The following RIMS1 variants were observed in gnomAD, a reference collection of about 807,000 sequenced individuals.
RIMS1 encodes regulating synaptic membrane exocytosis 1.
In RIMS1, 83 loss-of-function variants were observed where a neutral mutation model predicts 214.1. The observed-to-expected ratio is 0.39, with a 90% CI of 0.32 to 0.47. RIMS1 has a LOEUF of 0.47. Ranked by LOEUF, RIMS1 falls within the 20% of genes least tolerant of loss-of-function variation. The pLI is 0.99. For synonymous variants in RIMS1, 793 were observed against 786.8 expected, an observed-to-expected ratio of 1.01 and a Z score of -0.13; for missense variants, 2,050 against 2,161.8, an observed-to-expected ratio of 0.95 and a Z score of 1.03.
rs182095637 is a variant in RIMS1, at chr6:72,099,029, A to G, written c.460-946A>G. On this transcript the variant is annotated intron_variant, in intron 3 of 33. Coordinates refer to ENST00000521978, the MANE Select transcript of RIMS1 (RefSeq NM_014989.7). The stretch of plus-strand genomic sequence containing the variant: ...GGAGGCAACATCAAAATACTTAACA[A>G]CCCATGTGGTAAGGACATTGTTCAG... 4.2e-4 allele frequency among the ~76,000 whole-genome samples: 64 copies of G among 152,288 alleles called. 1 individual carries two copies. Among genetic ancestry groups the G allele is most frequent in the African/African-American group, 1.5e-3 (63 of 41,568 alleles).
intron 6 of RIMS1, among the ~76,000 whole-genome samples, chr6:72,231,306 T>G (rs1213043014): frequency 2.0e-5 from 3 of 151,636 alleles, no homozygotes; most frequent in Admixed American, 6.6e-5. Flanking sequence ...TGTAAGTCTT[T>G]AAGCAAAAGT....
chr6:72,303,316 A>G (rs1383982928), intron 26 of RIMS1, among the ~76,000 whole-genome samples: 1 of 150,832 alleles, frequency 6.6e-6, no homozygotes, highest in Non-Finnish European at 1.5e-5. Context: ...GGATAGATCT[A>G]GAAAAATGCA....
rs530787487 is a variant in RIMS1 at position 72,102,028 on chromosome 6, A to G, written c.471+2042A>G. On this transcript the variant is annotated intron_variant, in intron 4 of 33. Transcript: ENST00000521978. Reference sequence around the variant, plus strand: ...TTTACTTCATTAAAAGCCCTCCTTGAAGCCTAAATATATAGCAATACTCTA... The same window carrying G: ...TTTACTTCATTAAAAGCCCTCCTTGGAGCCTAAATATATAGCAATACTCTA... Among the ~76,000 whole-genome samples, 5 of 152,086 alleles carry G rather than the reference A, an allele frequency of 3.3e-5. No homozygotes were observed. The East Asian group carries it at 9.6e-4, about 29-fold the overall frequency.
chr6:72,007,535 G>A (rs941802318), intron 2 of RIMS1, among the ~76,000 whole-genome samples: 1 of 152,188 alleles, frequency 6.6e-6, no homozygotes. Context: ...TGAGCTAAAG[G>A]AGGAAGTTTG....
intron 2 of RIMS1, among the ~76,000 whole-genome samples, chr6:71,998,181 A>G (rs1429452053): frequency 6.6e-6 from 1 of 152,052 alleles, no homozygotes; most frequent in Non-Finnish European, 1.5e-5. Context: ...ACATTTATCT[A>G]CTTTATGTGG....
chr6:72,339,584 T>C (rs1476616839), intron 29 of RIMS1, among the ~76,000 whole-genome samples: 2 of 152,046 alleles, frequency 1.3e-5, no homozygotes, highest in Non-Finnish European at 2.9e-5. Flanking sequence ...GCTTTCCAGC[T>C]TCATCCATGT....
chr6:72,080,947 T>C (rs1833228550), intron 2 of RIMS1, among the ~76,000 whole-genome samples: 1 of 152,222 alleles, frequency 6.6e-6, no homozygotes, highest in South Asian at 2.1e-4. Flanking sequence ...GTAGCTACAA[T>C]GTTTTCAATA....
At chr6:72,261,151 T>A in intron 19 of RIMS1, 1 of 1,033,042 alleles carries the variant, frequency 9.7e-7, no homozygotes. Flanking sequence ...GTGTCATTGT[T>A]TCATAATTGT....
intron 1 of RIMS1, among the ~76,000 whole-genome samples, chr6:71,968,410 T>TACACAC (rs60480318): frequency 5.8e-4 from 88 of 151,674 alleles, no homozygotes; most frequent in African/African-American, 2.1e-3. Context: ...TTTCTTCTTT[T>TACACAC]ACACACACAC....
At chr6:72,203,322 C>A (rs1258909614) in intron 6 of RIMS1, among the ~76,000 whole-genome samples, 1 of 152,070 alleles carries the variant, frequency 6.6e-6, no homozygotes, top group Non-Finnish European at 1.5e-5. Context: ...AAATAGGATG[C>A]ATAGATAATA....
At chr6:72,231,752 C>A (rs143446993) in intron 6 of RIMS1, among the ~76,000 whole-genome samples, 4 of 151,812 alleles carry the variant, frequency 2.6e-5, no homozygotes, top group African/African-American at 9.6e-5. Flanking sequence ...ACCATTGAAT[C>A]TTACCCAGAA....
intron 2 of RIMS1, among the ~76,000 whole-genome samples, chr6:71,983,173 A>C (rs1798924129): frequency 1.8e-5 from 2 of 111,908 alleles, no homozygotes; most frequent in Admixed American, 2.2e-4. Flanking sequence ...CTGCCTTCCT[A>C]GAGCACACAT....
intron 2 of RIMS1, among the ~76,000 whole-genome samples, chr6:71,988,887 G>A (rs528044395): frequency 1.3e-5 from 2 of 152,258 alleles, no homozygotes; most frequent in African/African-American, 2.4e-5. Flanking sequence ...GGGGCCATTT[G>A]TTAATACAAC....
chr6:72,353,888 G>A (rs2097544901), intron 29 of RIMS1, among the ~76,000 whole-genome samples: 2 of 152,156 alleles, frequency 1.3e-5, no homozygotes, highest in South Asian at 4.1e-4. Flanking sequence ...TTAAGGTATA[G>A]AGATTAAGTA....
At chr6:72,296,672 G>T (rs1173688969) in intron 26 of RIMS1, among the ~76,000 whole-genome samples, 2 of 151,662 alleles carry the variant, frequency 1.3e-5, no homozygotes, top group African/African-American at 4.8e-5. Context: ...ATGTGATAAG[G>T]TTAATTATAT....
chr6:72,251,395 CA>C, intron 15 of RIMS1, 27 bp downstream of exon 15: 1 of 1,513,864 alleles, frequency 6.6e-7, no homozygotes, highest in Non-Finnish European at 8.9e-7. Context: ...TTAGTTGCCA[CA>C]AAGTAATTAT....
chr6:72,283,163 A>T (rs1018054931), intron 23 of RIMS1, among the ~76,000 whole-genome samples: 2 of 152,044 alleles, frequency 1.3e-5, no homozygotes, highest in Non-Finnish European at 2.9e-5. Flanking sequence ...TTTGTAGATA[A>T]TTAATATTAA....
chr6:72,040,115 T>C (rs1821021748), intron 2 of RIMS1, among the ~76,000 whole-genome samples: 1 of 152,106 alleles, frequency 6.6e-6, no homozygotes, highest in Non-Finnish European at 1.5e-5. Flanking sequence ...TTAGGCTCTA[T>C]GATACTGGAT....
At chr6:72,008,503 G>C (rs973501632) in intron 2 of RIMS1, among the ~76,000 whole-genome samples, 3 of 152,196 alleles carry the variant, frequency 2.0e-5, no homozygotes, top group South Asian at 2.1e-4. Flanking sequence ...TGGGCTAAAT[G>C]CTCCAATTAA....
Sources: allele counts gnomAD v4.1 joint callset (sites outside exome capture counted in the v4.1 genomes callset), GRCh38; gene constraint gnomAD v4.1.1; transcripts MANE v1.5; gene names NCBI Gene and HGNC (gene_info 2026-07-23, HGNC 2026-07-21).